The following KMT2A variants were observed in gnomAD, a reference collection of about 807,000 sequenced individuals.
The protein encoded by KMT2A is histone-lysine N-methyltransferase 2A.
A neutral mutation model predicts 345.3 loss-of-function variants in KMT2A; 16 were observed. That is an observed-to-expected ratio of 0.05 (90% CI 0.03 to 0.07). The LOEUF (loss-of-function observed/expected upper bound fraction) is 0.07, where lower values mean the gene tolerates loss of function less well. KMT2A is among the 10% of genes least tolerant of loss of function. The pLI is 1.00. For synonymous variants in KMT2A, 1,599 were observed against 1,778.6 expected (o/e 0.90, Z 2.54); for missense variants, 3,272 against 4,841.6 (o/e 0.68, Z 9.62).
In KMT2A at chr11:118,472,257, G is replaced by A. The variant is rs1555035800; in HGVS notation, c.1098G>A (p.Arg366=). 1 of 1,614,046 alleles carries A rather than the reference G, an allele frequency of 6.2e-7. No individual in the cohort carries two copies. Among genetic ancestry groups the A allele is most frequent in the Non-Finnish European group, 8.5e-7 (1 of 1,180,020 alleles). ...TTAGGATTATTCCTTCTTCAAAAAG[G>A]ACAGATGCAACCATTGCTAAGCAAC... ...KPVRIIPSSK[R]TDATIAKQLL... The change falls in exon 3 of 36, where the codon AGG becomes AGA. Residue 366 remains arginine (R), a synonymous_variant. Transcript: ENST00000534358.
At chr11:118,444,819 C>A (rs1171398137) in intron 1 of KMT2A, among the ~76,000 whole-genome samples, 2 of 152,166 alleles carry the variant, frequency 1.3e-5, no homozygotes, top group African/African-American at 4.8e-5. Flanking sequence ...AAGTGGTCCC[C>A]CTACCTCAGC....
rs571325082 is a variant in KMT2A, at chr11:118,497,000, C to CGGAGTTTCGCTCTTGTTGCCCAGGCT, written c.5664+665_5664+690dup. ...TTTTGTTTTGTTTTGTTTTTTTGAGCGGAGTTTCGCTCTTGTTGCCCAGGC... is the reference window on the plus strand; with the variant it reads ...TTTTGTTTTGTTTTGTTTTTTTGAGCGGAGTTTCGCTCTTGTTGCCCAGGCTGGAGTTTCGCTCTTGTTGCCCAGGC... On this transcript the variant is annotated intron_variant, in intron 20 of 35. Transcript: ENST00000534358. This position sits in a 1 kb window ranked among gnomAD's most constrained non-coding sequence, Gnocchi z 4.7. Among the ~76,000 whole-genome samples the CGGAGTTTCGCTCTTGTTGCCCAGGCT allele has an allele frequency of 1.5e-4, 23 of 151,876 alleles. 1 individual carries two copies. The South Asian group carries it at 4.4e-3, about 29-fold the overall frequency.
At chr11:118,460,684 A>T (rs1298741831) in intron 1 of KMT2A, among the ~76,000 whole-genome samples, 1 of 150,432 alleles carries the variant, frequency 6.6e-6, no homozygotes, top group Non-Finnish European at 1.5e-5. Flanking sequence ...TAGAGACAGG[A>T]TCTGGCTATG....
chr11:118,457,724 C>G (rs1280826294), intron 1 of KMT2A, among the ~76,000 whole-genome samples: 15 of 151,730 alleles, frequency 9.9e-5, no homozygotes, highest in African/African-American at 3.6e-4. Context: ...ACACTCCTCC[C>G]CCACCCCCCA....
In KMT2A at chr11:118,502,645, G is replaced by T. The variant is rs782115705; in HGVS notation, c.6753G>T (p.Gly2251=). Residue 2251 remains glycine, a synonymous_variant, in exon 27 of 36, where the codon GGG becomes GGT. Coordinates refer to ENST00000534358, the MANE Select transcript of KMT2A (RefSeq NM_001197104.2). This position sits in a 1 kb window ranked among gnomAD's most constrained non-coding sequence, Gnocchi z 4.9. ...CCAAAGTAGTTGATCATGTCTTAGG[G>T]CCACTGAATTCAAGTACTAGTTTAG... ...SSAKVVDHVL[G]PLNSSTSLGQ... 1.2e-6 allele frequency: 2 copies of T among 1,613,918 alleles called. No individual in the cohort carries two copies. Among genetic ancestry groups the T allele is most frequent in the Non-Finnish European group, 1.7e-6 (2 of 1,180,022 alleles).
rs1489307681 is a variant in KMT2A, at chr11:118,526,717, G to C, written c.*4545G>C. On this transcript the variant is annotated 3_prime_UTR_variant, in exon 36 of 36. Coordinates refer to ENST00000534358, the MANE Select transcript of KMT2A (RefSeq NM_001197104.2). ...TCTCTACGAAAGACTGAATGTAAAA[G>C]TAAAAAGTGTACATAGTTGTAAAAA... 1 of 230,424 alleles carries C rather than the reference G, an allele frequency of 4.3e-6. No individual in the cohort carries two copies. The highest frequency in any genetic ancestry group is 1.8e-4 in the South Asian group (1 of 5,514). 14.3% of individuals were successfully genotyped at this position (230,424 alleles called of 1,614,324 possible).
chr11:118,471,553 C>G, intron 2 of KMT2A, 109 bp from the exon 3 acceptor site: 1 of 617,020 alleles, frequency 1.6e-6, no homozygotes, highest in Non-Finnish European at 2.6e-6. Context: ...TCATTAGACT[C>G]AAGTTGAACT....
At chr11:118,500,035 C>A in intron 24 of KMT2A, 122 bp downstream of exon 24, 1 of 641,930 alleles carries the variant, frequency 1.6e-6, no homozygotes. Context: ...AAAAATTAAT[C>A]ACTTATTTTG....
chr11:118,507,822 G>T (rs1266705833), intron 28 of KMT2A: 1 of 452,452 alleles, frequency 2.2e-6, no homozygotes, highest in East Asian at 4.0e-5. Context: ...AATTAGCCGG[G>T]CGTGATGGCG....
chr11:118,471,318 G>T (rs536815209), intron 2 of KMT2A, among the ~76,000 whole-genome samples: 1 of 152,188 alleles, frequency 6.6e-6, no homozygotes, highest in East Asian at 1.9e-4. Flanking sequence ...AAGTTCAGAT[G>T]TTTTTTCTTT....
Position 118,498,615 on chromosome 11 carries a change from C to A in KMT2A, c.5961+87C>A, listed in dbSNP as rs2134369529. On this transcript the variant is annotated intron_variant, in intron 22 of 35. Transcript: ENST00000534358. This position sits in a 1 kb window ranked among gnomAD's most constrained non-coding sequence, Gnocchi z 4.4. ...TCACAGCAAAATTGACTGGAAGGTA[C>A]AGAGATTTCCCATATGCCCCCTGCA... is the stretch of plus-strand genomic sequence containing the variant. The A allele has an allele frequency of 7.3e-7, 1 of 1,374,104 alleles. No individual in the cohort carries two copies. Among genetic ancestry groups the A allele is most frequent in the Non-Finnish European group, 9.8e-7 (1 of 1,019,228 alleles). The allele number at this position is 1,374,104 out of a possible 1,614,324, so 85.1% of individuals were successfully genotyped here. A position where few individuals can be genotyped will look rare whatever the true frequency, so the allele number is the denominator to read the frequency against.
Position 118,525,672 on chromosome 11 carries a change from T to C in KMT2A, c.*3500T>C, listed in dbSNP as rs1303648674. The C allele has an allele frequency of 4.4e-6, 1 of 229,142 alleles. No homozygotes were observed. The highest frequency in any genetic ancestry group is 1.8e-4 in the South Asian group (1 of 5,466). 14.2% of individuals were successfully genotyped at this position (229,142 alleles called of 1,614,324 possible). ...AAAATAAAAAAAATATTCTAATGAA[T>C]GTATCTTTCTAAAGGACTGACGTTC... On this transcript the variant is annotated 3_prime_UTR_variant, in exon 36 of 36. Coordinates refer to ENST00000534358, the MANE Select transcript of KMT2A (RefSeq NM_001197104.2).
At chr11:118,471,252 G>A (rs1949937282) in intron 2 of KMT2A, among the ~76,000 whole-genome samples, 1 of 152,184 alleles carries the variant, frequency 6.6e-6, no homozygotes, top group African/African-American at 2.4e-5. Context: ...AAGATGGGAT[G>A]ACTAACTAGA....
At chr11:118,492,577 G>C (rs1555042840) in intron 15 of KMT2A, among the ~76,000 whole-genome samples, 1 of 152,214 alleles carries the variant, frequency 6.6e-6, no homozygotes, top group East Asian at 1.9e-4. Flanking sequence ...TACTCGGCAG[G>C]CTGAGGCAGG....
At position 118,498,346 on chromosome 11, in the gene KMT2A, A is replaced by T. The variant is rs1219461366; in HGVS notation, c.5803-24A>T. ...TAAAACATATGAAAGTCTGAATAGG[A>T]CTCTGTTCTTTTTGGATTTTTAGAG... is the stretch of plus-strand genomic sequence containing the variant. On this transcript the variant is annotated intron_variant, in intron 21 of 35. Transcript: ENST00000534358. The surrounding 1 kb of genome is among the most constrained non-coding windows in gnomAD (Gnocchi z 4.4). The T allele has an allele frequency of 1.9e-6, 3 of 1,601,948 alleles. No individual in the cohort carries two copies. The highest frequency in any genetic ancestry group is 2.6e-6 in the Non-Finnish European group (3 of 1,175,646).
Position 118,496,756 on chromosome 11 carries a change from C to T in KMT2A, c.5664+389C>T, listed in dbSNP as rs1591272585. 1.3e-5 allele frequency among the ~76,000 whole-genome samples: 2 copies of T among 152,106 alleles called. No homozygotes were observed. The highest frequency in any genetic ancestry group is 2.4e-5 in the African/African-American group (1 of 41,412). ...GAATCGTTAAGAGCCCGAGTTCTGC[C>T]GCCTGCCTGAATACATTTCTGTGCT... On this transcript the variant is annotated intron_variant, in intron 20 of 35. Coordinates refer to ENST00000534358, the MANE Select transcript of KMT2A (RefSeq NM_001197104.2). This position sits in a 1 kb window ranked among gnomAD's most constrained non-coding sequence, Gnocchi z 4.7.
In KMT2A at chr11:118,505,245, T is replaced by G; in HGVS notation, c.9353T>G (p.Met3118Arg). 1 of 1,614,194 alleles carries G rather than the reference T, an allele frequency of 6.2e-7. No individual in the cohort carries two copies. Among genetic ancestry groups the G allele is most frequent in the Non-Finnish European group, 8.5e-7 (1 of 1,180,028 alleles). Residue 3118 changes from methionine (M) to arginine (R), a missense_variant, in exon 27 of 36, where the codon ATG (methionine) becomes AGG (arginine). This residue lies in a region of KMT2A where 748 missense variants were observed against 922.2 expected (regional missense o/e 0.81). Coordinates refer to ENST00000534358, the MANE Select transcript of KMT2A (RefSeq NM_001197104.2). The surrounding 1 kb of genome is among the most constrained non-coding windows in gnomAD (Gnocchi z 4.6). ...TSSVSSTPSV[M>R]ETNTSVLGPM... ...TCTGTTAGTTCTACACCCAGTGTGATGGAGACAAATACTTCAGTATTGGGA... is the reference window on the plus strand; with the variant it reads ...TCTGTTAGTTCTACACCCAGTGTGAGGGAGACAAATACTTCAGTATTGGGA...
In KMT2A at chr11:118,525,494, G is replaced by A. The variant is rs1258244555; in HGVS notation, c.*3322G>A. 1.8e-5 allele frequency: 4 copies of A among 225,834 alleles called. No homozygotes were observed. The highest frequency in any genetic ancestry group is 4.5e-5 in the African/African-American group (2 of 44,774). 14.0% of individuals were successfully genotyped at this position (225,834 alleles called of 1,614,324 possible). ...AAGGGGGAAGCCCTGGCAGCTATAC[G>A]TTTTCAACCAGACTCCTTTGCCGGG... On this transcript the variant is annotated 3_prime_UTR_variant, in exon 36 of 36. Coordinates refer to ENST00000534358, the MANE Select transcript of KMT2A (RefSeq NM_001197104.2).
rs2134386727 is a variant in KMT2A, at chr11:118,502,800, G to A, written c.6908G>A (p.Ser2303Asn). 6.2e-7 allele frequency: 1 copy of A among 1,614,182 alleles called. No homozygotes were observed. Among genetic ancestry groups the A allele is most frequent in the Admixed American group, 1.7e-5 (1 of 60,028 alleles). Residue 2303 changes from serine (S) to asparagine (N), a missense_variant, in exon 27 of 36, where the codon AGC becomes AAC. Physicochemically the swap from Ser to Asn is conservative, Grantham distance 46. This residue lies in a region of KMT2A where 445 missense variants were observed against 500.9 expected (regional missense o/e 0.89). Coordinates refer to ENST00000534358, the MANE Select transcript of KMT2A (RefSeq NM_001197104.2). This position sits in a 1 kb window ranked among gnomAD's most constrained non-coding sequence, Gnocchi z 4.9. ...QSSASDLVSKSSSLKGEKTKV... is the reference protein window; with the variant it reads ...QSSASDLVSKNSSLKGEKTKV... ...AGTGCTTCAGACTTGGTGTCCAAGA[G>A]CTCCTCTTTAAAGGGAGAGAAGACC... is the stretch of plus-strand genomic sequence containing the variant.
Sources: gnomAD v4.1 joint callset for allele counts (sites outside exome capture counted in the v4.1 genomes callset) on GRCh38, gnomAD v4.1.1 for gene constraint, gnomAD v4.1.1 regional missense constraint, Gnocchi (gnomAD v3.1) non-coding constraint, MANE v1.5 for transcripts, NCBI Gene and HGNC (gene_info 2026-07-23, HGNC 2026-07-21) for gene names.